ARHGAP42: variants seen among roughly 807,000 people sequenced by gnomAD.
ARHGAP42 encodes Rho GTPase activating protein 42, also known as rho GTPase-activating protein 42.
A neutral mutation model predicts 125.0 loss-of-function variants in ARHGAP42; 63 were observed. That is an observed-to-expected ratio of 0.50 (90% CI 0.41 to 0.62). The LOEUF (loss-of-function observed/expected upper bound fraction) is 0.62, where lower values mean the gene tolerates loss of function less well. Among genes scored for constraint, ARHGAP42 ranks in the 20% least tolerant of loss-of-function variants. The pLI is 0.00. For missense variants in ARHGAP42, 766 were observed against 1,024.2 expected, an observed-to-expected ratio of 0.75 and a Z score of 3.44; for synonymous variants, 339 against 351.0, an observed-to-expected ratio of 0.97 and a Z score of 0.38.
At chr11:100,970,629 G>A (rs1354215639) in intron 17 of ARHGAP42, among the ~76,000 whole-genome samples, 2 of 151,822 alleles carry the variant, frequency 1.3e-5, no homozygotes, top group East Asian at 3.9e-4. Context: ...ATGCTAAAAA[G>A]GCTCTTTCTG....
At chr11:100,712,417 A>G (rs1443214428) in intron 1 of ARHGAP42, among the ~76,000 whole-genome samples, 1 of 152,238 alleles carries the variant, frequency 6.6e-6, no homozygotes, top group African/African-American at 2.4e-5. Flanking sequence ...TACTGTTATT[A>G]TATGAAAAAA....
At chr11:100,940,489 A>T (rs1215917657) in intron 8 of ARHGAP42, among the ~76,000 whole-genome samples, 3 of 152,150 alleles carry the variant, frequency 2.0e-5, no homozygotes, top group Admixed American at 1.3e-4. Flanking sequence ...CACCTTGGTC[A>T]TGGAAACATT....
intron 3 of ARHGAP42, among the ~76,000 whole-genome samples, chr11:100,853,743 A>G (rs1425124518): frequency 6.6e-6 from 1 of 152,088 alleles, no homozygotes; most frequent in Non-Finnish European, 1.5e-5. Flanking sequence ...AGCAAACTTT[A>G]ATTTGATTTA....
chr11:100,823,498 G>C (rs551377684), intron 3 of ARHGAP42, among the ~76,000 whole-genome samples: 1 of 152,254 alleles, frequency 6.6e-6, no homozygotes, highest in South Asian at 2.1e-4. Flanking sequence ...ATGTGATTGA[G>C]AAACTAAGAC....
rs117444139 is a variant in ARHGAP42, at chr11:100,814,481, G to A, written c.312+19315G>A. On this transcript the variant is annotated intron_variant, in intron 3 of 23. Coordinates refer to ENST00000298815, the MANE Select transcript of ARHGAP42 (RefSeq NM_152432.4). ...TTATATCCATTTCTAATATTAGGCC[G>A]TTCTCACATTGGTATAAAGAAATAC... Among the ~76,000 whole-genome samples the A allele has an allele frequency of 7.6e-4, 116 of 152,102 alleles. 2 individuals are homozygous for A. In the East Asian group the frequency reaches 0.018, roughly 24 times the overall value.
intron 2 of ARHGAP42, among the ~76,000 whole-genome samples, chr11:100,783,427 C>G (rs1224973798): frequency 6.6e-6 from 1 of 152,154 alleles, no homozygotes; most frequent in African/African-American, 2.4e-5. Flanking sequence ...CAGAGTGAGA[C>G]TCTGTCTCAA....
intron 6 of ARHGAP42, among the ~76,000 whole-genome samples, chr11:100,932,487 G>T (rs542765831): frequency 6.6e-6 from 1 of 151,970 alleles, no homozygotes; most frequent in Admixed American, 6.6e-5. Flanking sequence ...TTAATTTATG[G>T]ATAAAAACAT....
At chr11:100,776,754 A>G (rs1863135760) in intron 2 of ARHGAP42, among the ~76,000 whole-genome samples, 2 of 152,106 alleles carry the variant, frequency 1.3e-5, no homozygotes, top group African/African-American at 4.8e-5. Flanking sequence ...AGGCCTAGGC[A>G]GGCAGATCAC....
chr11:100,875,962 G>A (rs957656160), intron 4 of ARHGAP42, among the ~76,000 whole-genome samples: 1 of 152,098 alleles, frequency 6.6e-6, no homozygotes, highest in Non-Finnish European at 1.5e-5. Context: ...GCACAGTTGG[G>A]TGGTTGTGTA....
Position 100,708,888 on chromosome 11 carries a change from T to A in ARHGAP42, c.154+21056T>A, listed in dbSNP as rs183452497. On this transcript the variant is annotated intron_variant, in intron 1 of 23. Coordinates refer to ENST00000298815, the MANE Select transcript of ARHGAP42 (RefSeq NM_152432.4). ...AGTTTAATTTATAAATTAGGCATAG[T>A]GAGAGATTAACAACAATAATCATAA... 3.2e-4 allele frequency among the ~76,000 whole-genome samples: 49 copies of A among 152,328 alleles called. No individual in the cohort carries two copies. The East Asian group carries it at 9.5e-3, about 29-fold the overall frequency.
intron 4 of ARHGAP42, among the ~76,000 whole-genome samples, chr11:100,903,737 T>TATATATATATATAC (rs1866636405): frequency 9.3e-6 from 1 of 107,824 alleles, no homozygotes; most frequent in Admixed American, 1.0e-4. Context: ...TATATATATA[T>TATATATATATATAC]ATATATATAT....
chr11:100,899,671 T>TTTTG (rs200506740), intron 4 of ARHGAP42, among the ~76,000 whole-genome samples: 5 of 81,012 alleles, frequency 6.2e-5, no homozygotes, highest in Non-Finnish European at 8.3e-5. Flanking sequence ...AGTCCCTGCT[T>TTTTG]TTTGTTTGTT....
chr11:100,919,669 T>A (rs1018643613), intron 5 of ARHGAP42, among the ~76,000 whole-genome samples: 1 of 152,116 alleles, frequency 6.6e-6, no homozygotes, highest in Non-Finnish European at 1.5e-5. Context: ...CTCAAAGTGC[T>A]GGGATTACAG....
At chr11:100,915,549 A>T (rs1591292131) in intron 5 of ARHGAP42, among the ~76,000 whole-genome samples, 1 of 152,204 alleles carries the variant, frequency 6.6e-6, no homozygotes, top group Admixed American at 6.6e-5. Flanking sequence ...TGATAACATT[A>T]TCCTAATTTT....
chr11:100,819,476 TGATG>T (rs1036561926), intron 3 of ARHGAP42, among the ~76,000 whole-genome samples: 1 of 152,098 alleles, frequency 6.6e-6, no homozygotes, highest in African/African-American at 2.4e-5. Flanking sequence ...GTGAAGGGAA[TGATG>T]GATTGCAGAT....
intron 1 of ARHGAP42, among the ~76,000 whole-genome samples, chr11:100,762,621 A>G (rs542829674): frequency 2.0e-5 from 3 of 152,348 alleles, no homozygotes; most frequent in African/African-American, 7.2e-5. Context: ...TATATAAAAC[A>G]GAAAATAGCA....
At chr11:100,811,068 G>A (rs1478700996) in intron 3 of ARHGAP42, among the ~76,000 whole-genome samples, 1 of 152,058 alleles carries the variant, frequency 6.6e-6, no homozygotes, top group East Asian at 1.9e-4. Context: ...TGATTCTCCT[G>A]CCTCAGCCTC....
intron 16 of ARHGAP42, among the ~76,000 whole-genome samples, chr11:100,965,433 A>C (rs1464159995): frequency 6.6e-6 from 1 of 152,194 alleles, no homozygotes; most frequent in Non-Finnish European, 1.5e-5. Flanking sequence ...GGCTAAGAGC[A>C]TCTGTGTGGA....
chr11:100,871,962 C>T (rs1229849737), intron 4 of ARHGAP42, among the ~76,000 whole-genome samples: 1 of 152,164 alleles, frequency 6.6e-6, no homozygotes, highest in Non-Finnish European at 1.5e-5. Flanking sequence ...AGGCTGGTCT[C>T]GAACTCCTGA....
Sources: gnomAD v4.1 joint callset for allele counts (sites outside exome capture counted in the v4.1 genomes callset) on GRCh38, gnomAD v4.1.1 for gene constraint, MANE v1.5 for transcripts, NCBI Gene and HGNC (gene_info 2026-07-23, HGNC 2026-07-21) for gene names.